Variants in PAX7 observed in about 807,000 individuals in gnomAD.
PAX7 encodes the protein paired box protein Pax-7.
Under a neutral mutation model 50.7 loss-of-function variants are expected in PAX7, and 18 were observed. The observed-to-expected ratio is 0.36, with a 90% CI of 0.25 to 0.53. PAX7 has a LOEUF of 0.53. Among genes scored for constraint, PAX7 ranks in the 20% least tolerant of loss-of-function variants. PAX7 has a pLI of 0.93. For missense variants in PAX7, 644 were observed against 702.9 expected (o/e 0.92, Z 0.95); for synonymous variants, 310 against 290.4 (o/e 1.07, Z -0.69).
intron 5 of PAX7, among the ~76,000 whole-genome samples, chr1:18,698,013 AGAAGG>A (rs2089170588): frequency 6.6e-6 from 1 of 152,140 alleles, no homozygotes; most frequent in African/African-American, 2.4e-5. Flanking sequence ...GGAAGGGATT[AGAAGG>A]GAAGGGAAGG....
intron 7 of PAX7, among the ~76,000 whole-genome samples, chr1:18,705,029 T>C (rs1299527815): frequency 6.6e-6 from 1 of 152,176 alleles, no homozygotes; most frequent in Non-Finnish European, 1.5e-5. Flanking sequence ...GCGGAGCTCC[T>C]AATGGTGACG....
rs1043290145 is a variant in PAX7 at position 18,703,380 on chromosome 1, G to C, written c.1155+84G>C. The C allele has an allele frequency of 4.8e-6, 6 of 1,243,832 alleles. No individual in the cohort carries two copies. In the East Asian group the frequency reaches 1.4e-4, roughly 29 times the overall value. The allele number at this position is 1,243,832 out of a possible 1,614,324, so 77.0% of individuals were successfully genotyped here. A position where few individuals can be genotyped will look rare whatever the true frequency, so the allele number is the denominator to read the frequency against. Reference sequence around the variant, plus strand: ...GACAGCACGTGGGTGGAAGCCTTGCGCTCTTTCCTGTAGCAGGCTGACTGC... The same window carrying C: ...GACAGCACGTGGGTGGAAGCCTTGCCCTCTTTCCTGTAGCAGGCTGACTGC... On this transcript the variant is annotated intron_variant, in intron 7 of 8. Transcript: ENST00000420770.
At position 18,700,919 on chromosome 1, in the gene PAX7, A is replaced by G; in HGVS notation, c.952+101A>G. 8.8e-7 allele frequency: 1 copy of G among 1,142,754 alleles called. No homozygotes were observed. The highest frequency in any genetic ancestry group is 1.2e-6 in the Non-Finnish European group (1 of 855,374). The allele number at this position is 1,142,754 out of a possible 1,614,324, so 70.8% of individuals were successfully genotyped here. A position where few individuals can be genotyped will look rare whatever the true frequency, so the allele number is the denominator to read the frequency against. ...CTTCTTTTTTTTATGACCATTTCTT[A>G]CTTTCATGTAAGCAGGCTATTGAGA... On this transcript the variant is annotated intron_variant, in intron 6 of 8. Transcript: ENST00000420770. The surrounding 1 kb of genome is among the most constrained non-coding windows in gnomAD (Gnocchi z 4.8).
At position 18,666,811 on chromosome 1, in the gene PAX7, C is replaced by T. The variant is rs574439754; in HGVS notation, c.587-24943C>T. ...TATTTGAAACTGAGGAAGTCAAGGCCTCGGGCCTCTCAGCATTCTCAGAGC... is the reference window on the plus strand; with the variant it reads ...TATTTGAAACTGAGGAAGTCAAGGCTTCGGGCCTCTCAGCATTCTCAGAGC... On this transcript the variant is annotated intron_variant, in intron 4 of 8. Coordinates refer to ENST00000420770, the MANE Select transcript of PAX7 (RefSeq NM_001135254.2). 2.0e-4 allele frequency among the ~76,000 whole-genome samples: 30 copies of T among 152,304 alleles called. No homozygotes were observed. The South Asian group carries it at 6.0e-3, about 30-fold the overall frequency.
intron 7 of PAX7, among the ~76,000 whole-genome samples, chr1:18,718,969 G>A (rs756041154): frequency 5.9e-5 from 9 of 152,248 alleles, no homozygotes; most frequent in South Asian, 2.1e-4. Context: ...AAACAGGTTG[G>A]GGGGAGTGTC....
At chr1:18,638,957 T>C (rs1051602633) in intron 4 of PAX7, among the ~76,000 whole-genome samples, 1 of 151,544 alleles carries the variant, frequency 6.6e-6, no homozygotes, top group Non-Finnish European at 1.5e-5. Flanking sequence ...GCAGGGGGAG[T>C]TGTGCACACC....
chr1:18,705,873 G>A (rs1213079653), intron 7 of PAX7, among the ~76,000 whole-genome samples: 1 of 152,170 alleles, frequency 6.6e-6, no homozygotes, highest in East Asian at 1.9e-4. Context: ...TGATGAATCG[G>A]AGAAGCTCAG....
chr1:18,660,037 G>A (rs994341143), intron 4 of PAX7, among the ~76,000 whole-genome samples: 6 of 152,334 alleles, frequency 3.9e-5, no homozygotes, highest in African/African-American at 7.2e-5. Context: ...GTAGGAGGTC[G>A]GAATTCGTCC....
intron 7 of PAX7, among the ~76,000 whole-genome samples, chr1:18,729,414 T>C (rs1256313661): frequency 1.3e-5 from 2 of 152,200 alleles, no homozygotes; most frequent in Non-Finnish European, 2.9e-5. Flanking sequence ...TCTGTGAACA[T>C]GCAGCAAACT....
At chr1:18,676,559 C>A (rs2088824737) in intron 4 of PAX7, among the ~76,000 whole-genome samples, 1 of 151,950 alleles carries the variant, frequency 6.6e-6, no homozygotes, top group South Asian at 2.1e-4. Context: ...TCTTCCCCAC[C>A]CCCTTCTCCT....
intron 7 of PAX7, among the ~76,000 whole-genome samples, chr1:18,728,590 G>A (rs1312565427): frequency 6.6e-6 from 1 of 151,896 alleles, no homozygotes; most frequent in Non-Finnish European, 1.5e-5. Context: ...ACCGGGCGTC[G>A]TGGCTCACGC....
chr1:18,715,141 C>A (rs547415130), intron 7 of PAX7, among the ~76,000 whole-genome samples: 2 of 152,120 alleles, frequency 1.3e-5, no homozygotes. Flanking sequence ...AGCCTTTGTA[C>A]CTGCTGCTCC....
chr1:18,727,368 T>TACA (rs1553143113), intron 7 of PAX7, among the ~76,000 whole-genome samples: 3 of 52,260 alleles, frequency 5.7e-5, no homozygotes, highest in East Asian at 1.1e-3. Context: ...TCTCTCTCTC[T>TACA]CATACACACA....
intron 7 of PAX7, among the ~76,000 whole-genome samples, chr1:18,707,099 TCTA>T (rs1413320856): frequency 1.3e-5 from 2 of 152,138 alleles, no homozygotes; most frequent in Non-Finnish European, 2.9e-5. Flanking sequence ...TTATAGAGAA[TCTA>T]CTATGTGCCA....
At position 18,703,272 on chromosome 1, in the gene PAX7, G is replaced by A. The variant is rs547689786; in HGVS notation, c.1131G>A (p.Pro377=). The change falls in exon 7 of 9, where the codon CCG becomes CCA. Residue 377 remains proline, a synonymous_variant. Transcript: ENST00000420770. ...NPAAPSNHMN[P]VSNGLSPQVM... ...CGGCGCCCTCCAACCACATGAACCCGGTCAGCAACGGCCTGTCTCCTCAGG... is the reference window on the plus strand; with the variant it reads ...CGGCGCCCTCCAACCACATGAACCCAGTCAGCAACGGCCTGTCTCCTCAGG... 3.1e-6 allele frequency: 5 copies of A among 1,614,000 alleles called. No homozygotes were observed. The highest frequency in any genetic ancestry group is 1.3e-5 in the African/African-American group (1 of 74,948).
chr1:18,697,370 C>T (rs537900942), intron 5 of PAX7, among the ~76,000 whole-genome samples: 67 of 152,272 alleles, frequency 4.4e-4, no homozygotes, highest in Admixed American at 1.0e-3. Context: ...TCATACGAGA[C>T]GCTGGCAGAG....
At chr1:18,675,916 C>G (rs551769807) in intron 4 of PAX7, among the ~76,000 whole-genome samples, 2 of 152,292 alleles carry the variant, frequency 1.3e-5, no homozygotes, top group East Asian at 3.9e-4. Context: ...GGTGACAGCC[C>G]TCACTTAGCC....
intron 4 of PAX7, among the ~76,000 whole-genome samples, chr1:18,681,567 A>G (rs2088900367): frequency 6.6e-6 from 1 of 152,130 alleles, no homozygotes; most frequent in South Asian, 2.1e-4. Flanking sequence ...ATGTATACAC[A>G]GTGCCCTCTA....
intron 5 of PAX7, among the ~76,000 whole-genome samples, chr1:18,694,461 A>AAAATAAATAAAT (rs61364336): frequency 3.8e-4 from 53 of 139,690 alleles, no homozygotes; most frequent in Non-Finnish European, 6.6e-4. Flanking sequence ...CTCTGTCTCG[A>AAAATAAATAAAT]AAATAAATAA....
Sources: gnomAD v4.1 joint callset for allele counts (sites outside exome capture counted in the v4.1 genomes callset) on GRCh38, gnomAD v4.1.1 for gene constraint, Gnocchi (gnomAD v3.1) non-coding constraint, MANE v1.5 for transcripts, NCBI Gene and HGNC (gene_info 2026-07-23, HGNC 2026-07-21) for gene names.